BSN: variants seen among roughly 807,000 people sequenced by gnomAD.
The protein encoded by BSN is bassoon presynaptic cytomatrix protein, also known as protein bassoon.
Under a neutral mutation model 264.8 loss-of-function variants are expected in BSN, and 57 were observed. That is an observed-to-expected ratio of 0.22 (90% confidence interval 0.17 to 0.27). BSN has a LOEUF of 0.27. Among genes scored for constraint, BSN ranks in the 10% least tolerant of loss-of-function variants. The probability of loss-of-function intolerance (pLI) is 1.00; values close to 1 mark genes in which losing one functional copy is unlikely to be tolerated. For synonymous variants in BSN, 2,059 were observed against 2,137.3 expected (o/e 0.96, Z 1.01); for missense variants, 4,615 against 5,232.5 (o/e 0.88, Z 3.64).
chr3:49,612,534 T>A (rs1284601943), intron 1 of BSN, among the ~76,000 whole-genome samples: 1 of 152,160 alleles, frequency 6.6e-6, no homozygotes, highest in Non-Finnish European at 1.5e-5. Flanking sequence ...CAAATTATGA[T>A]CTATTGGACT....
At chr3:49,659,260 G>A (rs1465061535) in intron 5 of BSN, among the ~76,000 whole-genome samples, 1 of 152,146 alleles carries the variant, frequency 6.6e-6, no homozygotes, top group Non-Finnish European at 1.5e-5. Context: ...CTGGCAGGGA[G>A]GGCAGGTCAG....
intron 1 of BSN, among the ~76,000 whole-genome samples, chr3:49,606,181 A>ATATATTATATATACATATATTATATACG (rs1559603522): frequency 1.5e-4 from 1 of 6,806 alleles, no homozygotes; most frequent in African/African-American, 4.9e-4. Context: ...TTATATATGT[A>ATATATTATATATACATATATTATATACG]TATATATTAT....
rs2052697068 is a variant in BSN at position 49,664,561 on chromosome 3, A to G, written c.11740+7A>G. ...GCTGGCAAACTGACGGAAGGTATGC[A>G]CTGCCTGCAACTGGTCTGTGGTGGG... On this transcript the variant is annotated splice_region_variant and intron_variant, in intron 9 of 11. Transcript: ENST00000296452. The G allele has an allele frequency of 1.3e-6, 2 of 1,588,196 alleles. No homozygotes were observed. The highest frequency in any genetic ancestry group is 1.7e-4 in the Middle Eastern group (1 of 5,940).
Position 49,638,022 on chromosome 3 carries a change from G to A in BSN, c.634-4246G>A, listed in dbSNP as rs571965302. Reference sequence around the variant, plus strand: ...GGAAGGCTCCTGAGACACGAGGCTCGTGGCTGGTAGCCTGCACATCTCCTG... The same window carrying A: ...GGAAGGCTCCTGAGACACGAGGCTCATGGCTGGTAGCCTGCACATCTCCTG... On this transcript the variant is annotated intron_variant, in intron 2 of 11. Coordinates refer to ENST00000296452, the MANE Select transcript of BSN (RefSeq NM_003458.4). This position sits in a 1 kb window ranked among gnomAD's most constrained non-coding sequence, Gnocchi z 4.3. Among the ~76,000 whole-genome samples, 10 of 152,246 alleles carry A rather than the reference G, an allele frequency of 6.6e-5. No homozygotes were observed. In the South Asian group the frequency reaches 1.4e-3, roughly 22 times the overall value.
intron 1 of BSN, among the ~76,000 whole-genome samples, chr3:49,616,724 C>T (rs961499021): frequency 1.3e-5 from 2 of 152,196 alleles, no homozygotes; most frequent in African/African-American, 4.8e-5. Flanking sequence ...TGCACCAGGG[C>T]AGCCACATCT....
At chr3:49,563,440 C>T (rs2051730424) in intron 1 of BSN, among the ~76,000 whole-genome samples, 1 of 152,190 alleles carries the variant, frequency 6.6e-6, no homozygotes, top group Non-Finnish European at 1.5e-5. Flanking sequence ...CCATGATTTC[C>T]AGGGGAGCTG....
At chr3:49,672,024 C>CA (rs2052778193), downstream of BSN, among the ~76,000 whole-genome samples, 1 of 132,872 alleles carries the variant, frequency 7.5e-6, no homozygotes, top group South Asian at 2.6e-4. Context: ...AGTTGCTAGA[C>CA]CTTTTTTTTT....
chr3:49,569,898 C>T (rs999220129), intron 1 of BSN, among the ~76,000 whole-genome samples: 1 of 152,104 alleles, frequency 6.6e-6, no homozygotes, highest in Non-Finnish European at 1.5e-5. Flanking sequence ...GTGGGACAGG[C>T]GCCCCTTGAC....
Position 49,654,793 on chromosome 3 carries a change from A to G in BSN, c.5237A>G (p.Lys1746Arg). Residue 1746 changes from lysine to arginine, a missense_variant, in exon 5 of 12, where the codon AAG (lysine) becomes AGG (arginine). Transcript: ENST00000296452. The surrounding 1 kb of genome is among the most constrained non-coding windows in gnomAD (Gnocchi z 4.1). ...TCGTCTGTGTTCATGGCTCAACAAA[A>G]GCAGCCTGTGGTCTATGGAGACCCC... ...MASSVFMAQQ[K>R]QPVVYGDPYQ... The G allele has an allele frequency of 6.2e-7, 1 of 1,613,510 alleles. No individual in the cohort carries two copies.
At chr3:49,609,930 T>A (rs1212728498) in intron 1 of BSN, among the ~76,000 whole-genome samples, 1 of 152,188 alleles carries the variant, frequency 6.6e-6, no homozygotes, top group East Asian at 1.9e-4. Context: ...ACACAGAGCC[T>A]CTGCTTCTCT....
chr3:49,633,173 G>T lies in BSN; in HGVS notation c.633+7790G>T, dbSNP rs550742508. On this transcript the variant is annotated intron_variant, in intron 2 of 11. Transcript: ENST00000296452. ...AAAAGTTAGCTGGGTGTGGTGGTGG[G>T]CACTTGTAATCCTAGCTGCTCAGGA... is the stretch of plus-strand genomic sequence containing the variant. 2.6e-5 allele frequency among the ~76,000 whole-genome samples: 4 copies of T among 151,936 alleles called. No homozygotes were observed. The East Asian group carries it at 7.7e-4, about 29-fold the overall frequency.
intron 1 of BSN, among the ~76,000 whole-genome samples, chr3:49,617,410 G>A (rs2108051313): frequency 6.6e-6 from 1 of 151,064 alleles, no homozygotes; most frequent in Non-Finnish European, 1.5e-5. Flanking sequence ...CCTGTCTCTT[G>A]TGTCTCCTTT....
chr3:49,630,295 C>G (rs769680971), intron 2 of BSN, among the ~76,000 whole-genome samples: 2 of 152,246 alleles, frequency 1.3e-5, no homozygotes, highest in Non-Finnish European at 2.9e-5. Context: ...GCCCAGCCTT[C>G]CAATGCTCAC....
Position 49,625,045 on chromosome 3 carries a change from G to C in BSN, c.295G>C (p.Ala99Pro). 6.3e-7 allele frequency: 1 copy of C among 1,593,524 alleles called. No homozygotes were observed. The highest frequency in any genetic ancestry group is 8.5e-7 in the Non-Finnish European group (1 of 1,172,086). The change falls in exon 2 of 12, where the codon GCT becomes CCT. Residue 99 changes from alanine to proline, a missense_variant. This residue lies in a region of BSN where 1,197 missense variants were observed against 1,348.0 expected (regional missense o/e 0.89). Transcript: ENST00000296452. This position sits in a 1 kb window ranked among gnomAD's most constrained non-coding sequence, Gnocchi z 4.4. ...QRAASPTPKQ[A>P]SATTPGHESP... ...AGCAGCTTCCCCAACTCCGAAGCAGGCTTCTGCTACCACTCCTGGCCATGA... is the reference window on the plus strand; with the variant it reads ...AGCAGCTTCCCCAACTCCGAAGCAGCCTTCTGCTACCACTCCTGGCCATGA...
rs772535452 is a variant in BSN at position 49,642,690 on chromosome 3, C to T, written c.1056C>T (p.Gly352=). Residue 352 remains glycine (G), a synonymous_variant, in exon 3 of 12, where the codon GGC becomes GGT. Coordinates refer to ENST00000296452, the MANE Select transcript of BSN (RefSeq NM_003458.4). This position sits in a 1 kb window ranked among gnomAD's most constrained non-coding sequence, Gnocchi z 7.0. ...TQEGLTGKLF[G]LGASLLTQAS... ...AGGGCCTCACTGGTAAGCTCTTCGG[C>T]CTTGGCGCGTCACTGCTAACCCAGG... 51 of 1,612,684 alleles carry T rather than the reference C, an allele frequency of 3.2e-5. No homozygotes were observed. In the East Asian group the frequency reaches 1.1e-3, roughly 35 times the overall value.
rs767629394 is a variant in BSN at position 49,657,223 on chromosome 3, G to C, written c.7667G>C (p.Arg2556Pro). The C allele has an allele frequency of 6.2e-7, 1 of 1,613,346 alleles. No individual in the cohort carries two copies. The highest frequency in any genetic ancestry group is 1.1e-5 in the South Asian group (1 of 91,092). Residue 2556 changes from arginine to proline, a missense_variant, in exon 5 of 12, where the codon CGG becomes CCG. Coordinates refer to ENST00000296452, the MANE Select transcript of BSN (RefSeq NM_003458.4). ...GCCAGCCGTAGTGGCATCAAGAAGCGGCACTCCATGCCACGCCTGCGGGAT... is the reference window on the plus strand; with the variant it reads ...GCCAGCCGTAGTGGCATCAAGAAGCCGCACTCCATGCCACGCCTGCGGGAT... ...WEASRSGIKK[R>P]HSMPRLRDAC...
chr3:49,596,812 C>G (rs1256547369), intron 1 of BSN, among the ~76,000 whole-genome samples: 1 of 152,202 alleles, frequency 6.6e-6, no homozygotes, highest in Non-Finnish European at 1.5e-5. Context: ...AGGCCTACAC[C>G]ATTGCACCTG....
chr3:49,627,714 G>C (rs1254099243), intron 2 of BSN, among the ~76,000 whole-genome samples: 1 of 152,174 alleles, frequency 6.6e-6, no homozygotes, highest in Non-Finnish European at 1.5e-5. Context: ...CATGTGTAAG[G>C]GGCTGGTTCT....
At chr3:49,606,198 ATATAT>A (rs1210107903) in intron 1 of BSN, among the ~76,000 whole-genome samples, 18 of 67,112 alleles carry the variant, frequency 2.7e-4, no homozygotes, top group African/African-American at 1.2e-3. Flanking sequence ...TTATATATAC[ATATAT>A]TATATATGTA....
Sources: gnomAD v4.1 joint callset for allele counts (sites outside exome capture counted in the v4.1 genomes callset) on GRCh38, gnomAD v4.1.1 for gene constraint, gnomAD v4.1.1 regional missense constraint, Gnocchi (gnomAD v3.1) non-coding constraint, MANE v1.5 for transcripts, NCBI Gene and HGNC (gene_info 2026-07-23, HGNC 2026-07-21) for gene names.